Variants in PKNOX2 observed in about 807,000 individuals in gnomAD.
PKNOX2 encodes the protein homeobox protein PKNOX2.
A neutral mutation model predicts 53.1 loss-of-function variants in PKNOX2; 14 were observed. The ratio of observed to expected loss-of-function variants is 0.26; its 90% confidence interval spans 0.17 to 0.41. The LOEUF is 0.41. PKNOX2 is among the 10% of genes least tolerant of loss of function. PKNOX2 has a pLI of 1.00. For synonymous variants in PKNOX2, 257 were observed against 242.8 expected, an observed-to-expected ratio of 1.06 and a Z score of -0.54; for missense variants, 496 against 602.8, an observed-to-expected ratio of 0.82 and a Z score of 1.85.
At chr11:125,345,675 C>T (rs1023994510) in intron 3 of PKNOX2, among the ~76,000 whole-genome samples, 1 of 152,190 alleles carries the variant, frequency 6.6e-6, no homozygotes, top group Admixed American at 6.5e-5. Flanking sequence ...GCAGAGCAGA[C>T]CTAGCCAACT....
chr11:125,385,802 T>G, intron 6 of PKNOX2, 80 bp downstream of exon 6: 2 of 1,494,120 alleles, frequency 1.3e-6, no homozygotes, highest in East Asian at 5.0e-5. Context: ...AAATGATCCT[T>G]TCATTAATTT....
intron 4 of PKNOX2, among the ~76,000 whole-genome samples, chr11:125,361,543 T>C (rs759446561): frequency 6.6e-6 from 1 of 152,222 alleles, no homozygotes; most frequent in Non-Finnish European, 1.5e-5. Flanking sequence ...TTCTTTTTTT[T>C]ATTTATTTTT....
intron 2 of PKNOX2, among the ~76,000 whole-genome samples, chr11:125,246,962 C>A (rs937784488): frequency 2.0e-5 from 3 of 152,170 alleles, no homozygotes; most frequent in African/African-American, 7.2e-5. Context: ...AGGGGCTTTA[C>A]AAGAATAAGT....
At position 125,431,324 on chromosome 11, in the gene PKNOX2, G is replaced by A; in HGVS notation, c.1351G>A (p.Glu451Lys). The A allele has an allele frequency of 6.2e-7, 1 of 1,613,838 alleles. No individual in the cohort carries two copies. Among genetic ancestry groups the A allele is most frequent in the Non-Finnish European group, 8.5e-7 (1 of 1,179,964 alleles). ...EEEEEEELEE[E>K]VDELQTTNVS... Reference sequence around the variant, plus strand: ...GGAGGAGGAGGAGGAGCTGGAGGAGGAGGTCGACGAGCTGCAGACGACAAA... The same window carrying A: ...GGAGGAGGAGGAGGAGCTGGAGGAGAAGGTCGACGAGCTGCAGACGACAAA... Residue 451 changes from glutamate (E) to lysine (K), a missense_variant, in exon 13 of 13, where the codon GAG becomes AAG. Physicochemically the swap from Glu to Lys is moderately conservative, Grantham distance 56. Transcript: ENST00000298282.
chr11:125,431,470 G>GGGGGGGCCCCCCC lies in PKNOX2; in HGVS notation c.*78_*79insGGGGGGCCCCCCC. 1 of 282,772 alleles carries GGGGGGGCCCCCCC rather than the reference G, an allele frequency of 3.5e-6. No individual in the cohort carries two copies. 17.5% of individuals were successfully genotyped at this position (282,772 alleles called of 1,614,324 possible). On this transcript the variant is annotated 3_prime_UTR_variant, in exon 13 of 13. Coordinates refer to ENST00000298282, the MANE Select transcript of PKNOX2 (RefSeq NM_001382323.2). ...AGGCCTTCAGGGTGGGGGGGAAGGG[G>GGGGGGGCCCCCCC]ACATGGGCAGGAAGCACCGAGGGAG...
chr11:125,375,696 C>T (rs1438341166), intron 5 of PKNOX2, among the ~76,000 whole-genome samples: 1 of 152,064 alleles, frequency 6.6e-6, no homozygotes, highest in East Asian at 1.9e-4. Flanking sequence ...ACCAAGACAA[C>T]GTGGTTAGGG....
At chr11:125,409,936 A>G (rs1471269345) in intron 7 of PKNOX2, 2 of 365,840 alleles carry the variant, frequency 5.5e-6, no homozygotes, top group Non-Finnish European at 9.9e-6. Flanking sequence ...GGGGGTTATC[A>G]GATAATTTGT....
intron 1 of PKNOX2, among the ~76,000 whole-genome samples, chr11:125,170,607 TG>T (rs1955223758): frequency 6.6e-6 from 1 of 152,218 alleles, no homozygotes; most frequent in African/African-American, 2.4e-5. Context: ...ATCTGCTGTT[TG>T]GCTTGGATGC....
intron 1 of PKNOX2, among the ~76,000 whole-genome samples, chr11:125,187,594 T>C (rs552514526): frequency 3.9e-5 from 6 of 152,350 alleles, no homozygotes; most frequent in African/African-American, 1.4e-4. Flanking sequence ...ATTTTCTATA[T>C]ACAGGGTCAT....
intron 1 of PKNOX2, among the ~76,000 whole-genome samples, chr11:125,195,558 G>T (rs1957127803): frequency 6.6e-6 from 1 of 152,036 alleles, no homozygotes; most frequent in African/African-American, 2.4e-5. Flanking sequence ...GAGCTGTTCT[G>T]AAGAACCGAA....
rs754701260 is a variant in PKNOX2 at position 125,431,298 on chromosome 11, A to C, written c.1325A>C (p.Glu442Ala). 2 of 1,289,116 alleles carry C rather than the reference A, an allele frequency of 1.6e-6. No individual in the cohort carries two copies. Among genetic ancestry groups the C allele is most frequent in the Non-Finnish European group, 1.1e-6 (1 of 928,472 alleles). 79.9% of individuals were successfully genotyped at this position (1,289,116 alleles called of 1,614,324 possible). A position where few individuals can be genotyped will look rare whatever the true frequency, so the allele number is the denominator to read the frequency against. ...GAAGAGGATGAGGATGAGATGGAAG[A>C]GGAGGAGGAGGAGGAGCTGGAGGAG... ...TEEEDEDEME[E>A]EEEEELEEEV... is the part of the protein sequence containing the mutation. The change falls in exon 13 of 13, where the codon GAG becomes GCG. Residue 442 changes from glutamate (E) to alanine (A), a missense_variant. Transcript: ENST00000298282.
In PKNOX2 at chr11:125,313,032, C is replaced by T. The variant is rs138448839; in HGVS notation, c.-129-18787C>T. 1.4e-3 allele frequency among the ~76,000 whole-genome samples: 211 copies of T among 152,272 alleles called. 1 individual carries two copies. Among genetic ancestry groups the T allele is most frequent in the African/African-American group, 4.9e-3 (202 of 41,546 alleles). Reference sequence around the variant, plus strand: ...AAGCCCACTGGAGGCCCGTGTCATGCTATCGCCTTCCACCGAGGGCAACAG... The same window carrying T: ...AAGCCCACTGGAGGCCCGTGTCATGTTATCGCCTTCCACCGAGGGCAACAG... On this transcript the variant is annotated intron_variant, in intron 2 of 12. Transcript: ENST00000298282.
At position 125,314,075 on chromosome 11, in the gene PKNOX2, G is replaced by A. The variant is rs528215799; in HGVS notation, c.-129-17744G>A. Among the ~76,000 whole-genome samples, 12 of 152,342 alleles carry A rather than the reference G, an allele frequency of 7.9e-5. No homozygotes were observed. The East Asian group carries it at 1.9e-3, about 24-fold the overall frequency. ...GCTGAGGTCCTGGGCTGCCGTAGGA[G>A]CATCCAAGACTTCCTTGAGGATGCA... On this transcript the variant is annotated intron_variant, in intron 2 of 12. Coordinates refer to ENST00000298282, the MANE Select transcript of PKNOX2 (RefSeq NM_001382323.2).
chr11:125,408,077 C>T (rs143223499), intron 7 of PKNOX2, among the ~76,000 whole-genome samples: 16 of 152,338 alleles, frequency 1.1e-4, no homozygotes, highest in African/African-American at 3.8e-4. Flanking sequence ...ATTCAAGGAG[C>T]ATTTGCAGCC....
At chr11:125,372,519 G>A (rs1161264832) in intron 5 of PKNOX2, among the ~76,000 whole-genome samples, 2 of 152,214 alleles carry the variant, frequency 1.3e-5, no homozygotes, top group African/African-American at 4.8e-5. Context: ...CTTAATCAAT[G>A]AACTCTTGGA....
chr11:125,305,363 C>T (rs2135978187), intron 2 of PKNOX2, among the ~76,000 whole-genome samples: 1 of 152,336 alleles, frequency 6.6e-6, no homozygotes, highest in East Asian at 1.9e-4. Context: ...CCACACTGAC[C>T]TGCTTAGGGC....
At chr11:125,409,223 G>T (rs1254526321) in intron 7 of PKNOX2, among the ~76,000 whole-genome samples, 2 of 152,152 alleles carry the variant, frequency 1.3e-5, no homozygotes, top group East Asian at 3.9e-4. Context: ...CAGCCTCCCA[G>T]TGCAGGCTCC....
chr11:125,219,546 TA>T (rs1940912791), intron 1 of PKNOX2, among the ~76,000 whole-genome samples: 1 of 151,858 alleles, frequency 6.6e-6, no homozygotes, highest in South Asian at 2.1e-4. Flanking sequence ...GAAGAGCTCC[TA>T]AAAATTAACA....
At chr11:125,362,619 C>T (rs559186382) in intron 4 of PKNOX2, among the ~76,000 whole-genome samples, 2 of 152,332 alleles carry the variant, frequency 1.3e-5, no homozygotes, top group African/African-American at 4.8e-5. Flanking sequence ...AATCCTCCCA[C>T]TTCAGCCTCC....
Sources: allele counts gnomAD v4.1 joint callset (sites outside exome capture counted in the v4.1 genomes callset), GRCh38; gene constraint gnomAD v4.1.1; transcripts MANE v1.5; gene names NCBI Gene and HGNC (gene_info 2026-07-23, HGNC 2026-07-21).